SNX29: variants seen among roughly 807,000 people sequenced by gnomAD.
The protein encoded by SNX29 is sorting nexin 29, also known as sorting nexin-29.
A neutral mutation model predicts 102.1 loss-of-function variants in SNX29; 78 were observed. The ratio of observed to expected loss-of-function variants is 0.76; its 90% CI spans 0.64 to 0.92. SNX29 has a LOEUF of 0.92. Among genes scored for constraint, SNX29 ranks in the 40% least tolerant of loss-of-function variants. The pLI is 0.00. For synonymous variants in SNX29, 580 were observed against 414.5 expected (o/e 1.40, Z -4.85); for missense variants, 1,280 against 1,061.7 (o/e 1.21, Z -2.86).
At chr16:12,129,781 G>C in intron 13 of SNX29, 23 bp downstream of exon 13, 1 of 1,589,002 alleles carries the variant, frequency 6.3e-7, no homozygotes, top group Non-Finnish European at 8.6e-7. Flanking sequence ...GAGGGATGGA[G>C]AGGTAAGCAC....
chr16:12,180,224 G>C (rs1596446130), intron 13 of SNX29, among the ~76,000 whole-genome samples: 1 of 151,566 alleles, frequency 6.6e-6, no homozygotes, highest in East Asian at 1.9e-4. Flanking sequence ...TCATCTTCTA[G>C]GTGTTCCTTC....
chr16:12,067,154 C>T (rs116281293), intron 9 of SNX29, among the ~76,000 whole-genome samples: 1 of 152,012 alleles, frequency 6.6e-6, no homozygotes, highest in Non-Finnish European at 1.5e-5. Flanking sequence ...CACTGCTCTC[C>T]AGCCTGGGTG....
At chr16:12,536,322 A>C (rs1255701212) in intron 20 of SNX29, among the ~76,000 whole-genome samples, 1 of 152,070 alleles carries the variant, frequency 6.6e-6, no homozygotes, top group African/African-American at 2.4e-5. Context: ...TTGAGAAATT[A>C]CTAATGCAGC....
chr16:12,146,733 G>A (rs577455678), intron 13 of SNX29, among the ~76,000 whole-genome samples: 5 of 152,212 alleles, frequency 3.3e-5, no homozygotes, highest in African/African-American at 9.6e-5. Flanking sequence ...TTCTCAGCTC[G>A]TTTTTCTTTT....
Position 12,573,296 on chromosome 16 carries a change from A to G in SNX29, c.*4667A>G, listed in dbSNP as rs894430137. On this transcript the variant is annotated 3_prime_UTR_variant, in exon 21 of 21. Coordinates refer to ENST00000566228, the MANE Select transcript of SNX29 (RefSeq NM_032167.5). Reference sequence around the variant, plus strand: ...CTCACTCTAGCCATGAGCCATTGCCATCTTATGGGCCCGATTTGGGTACTC... The same window carrying G: ...CTCACTCTAGCCATGAGCCATTGCCGTCTTATGGGCCCGATTTGGGTACTC... 2 of 227,180 alleles carry G rather than the reference A, an allele frequency of 8.8e-6. No homozygotes were observed. Among genetic ancestry groups the G allele is most frequent in the Non-Finnish European group, 1.7e-5 (2 of 114,426 alleles). 14.1% of individuals were successfully genotyped at this position (227,180 alleles called of 1,614,324 possible).
At chr16:12,119,973 G>A (rs755600371) in intron 11 of SNX29, among the ~76,000 whole-genome samples, 2 of 152,208 alleles carry the variant, frequency 1.3e-5, no homozygotes, top group Non-Finnish European at 2.9e-5. Flanking sequence ...TGAGCCCTGC[G>A]AAGGGGTCTT....
At chr16:12,567,127 A>T (rs1417931598) in intron 20 of SNX29, among the ~76,000 whole-genome samples, 3 of 152,216 alleles carry the variant, frequency 2.0e-5, no homozygotes, top group Non-Finnish European at 4.4e-5. Flanking sequence ...CTTAACTCAC[A>T]TGATTTGTGA....
intron 11 of SNX29, among the ~76,000 whole-genome samples, chr16:12,105,227 C>CCCTTCCTTCCTCCCTT (rs2053185378): frequency 9.5e-6 from 1 of 105,672 alleles, no homozygotes; most frequent in Non-Finnish European, 2.0e-5. Context: ...CTCCCTCCCT[C>CCCTTCCTTCCTCCCTT]CCTTCCTTCC....
chr16:12,250,207 G>C (rs2078380561), intron 14 of SNX29, among the ~76,000 whole-genome samples: 1 of 152,230 alleles, frequency 6.6e-6, no homozygotes, highest in Admixed American at 6.5e-5. Context: ...CCAGAGACAA[G>C]AGCGGGCACG....
intron 18 of SNX29, among the ~76,000 whole-genome samples, chr16:12,425,975 A>C (rs6498298): frequency 0.024 from 3,628 of 152,164 alleles, 154 homozygotes; most frequent in African/African-American, 0.084. Context: ...GCCTGCCAAG[A>C]CCTTCAGGGA....
At chr16:12,508,043 A>G (rs910812800) in intron 19 of SNX29, among the ~76,000 whole-genome samples, 9 of 152,258 alleles carry the variant, frequency 5.9e-5, no homozygotes. Flanking sequence ...TAACGTGGCC[A>G]AGGGCAAGCT....
chr16:12,506,978 T>C (rs141459153), intron 19 of SNX29, among the ~76,000 whole-genome samples: 136 of 152,370 alleles, frequency 8.9e-4, no homozygotes, highest in African/African-American at 3.2e-3. Context: ...AGACCATGTC[T>C]TGTATGCTTA....
At chr16:12,122,514 A>G (rs182048425) in intron 11 of SNX29, among the ~76,000 whole-genome samples, 1 of 152,092 alleles carries the variant, frequency 6.6e-6, no homozygotes, top group Non-Finnish European at 1.5e-5. Flanking sequence ...GACAACCTGG[A>G]GTGAGGGAGG....
chr16:12,522,918 C>G (rs990958624), intron 19 of SNX29, among the ~76,000 whole-genome samples: 22 of 152,192 alleles, frequency 1.4e-4, no homozygotes, highest in Non-Finnish European at 2.4e-4. Context: ...TTAAGCAGTC[C>G]TCCTGCTGCA....
intron 18 of SNX29, among the ~76,000 whole-genome samples, chr16:12,459,820 C>G (rs2086701530): frequency 6.6e-6 from 1 of 152,122 alleles, no homozygotes; most frequent in Admixed American, 6.6e-5. Context: ...TTGAGATACC[C>G]TTGTACCCGT....
intron 15 of SNX29, among the ~76,000 whole-genome samples, chr16:12,289,416 T>G (rs2079718195): frequency 6.6e-6 from 1 of 152,206 alleles, no homozygotes; most frequent in South Asian, 2.1e-4. Flanking sequence ...GCCCCTAGCC[T>G]TCTAGTGTTT....
chr16:11,980,942 G>A (rs553462257), intron 1 of SNX29, among the ~76,000 whole-genome samples: 6 of 151,088 alleles, frequency 4.0e-5, no homozygotes, highest in South Asian at 2.1e-4. Context: ...CCCTTCCATG[G>A]TTTGTCTTTT....
chr16:12,269,847 CATCATCATCATCATT>C (rs1280781473), intron 14 of SNX29, among the ~76,000 whole-genome samples: 4 of 111,448 alleles, frequency 3.6e-5, no homozygotes, highest in Non-Finnish European at 6.1e-5. Flanking sequence ...CCATCATCAT[CATCATCATCATCATT>C]ATTATTATTA....
rs1017109878 is a variant in SNX29 at position 12,053,986 on chromosome 16, G to C, written c.1124+1764G>C. On this transcript the variant is annotated intron_variant, in intron 8 of 20. Coordinates refer to ENST00000566228, the MANE Select transcript of SNX29 (RefSeq NM_032167.5). ...TTGTCAGTTTTTGTTTTTTTTTTTT[G>C]AGACAGAGTCTTGCTCTGTCGCCCA... Among the ~76,000 whole-genome samples the C allele has an allele frequency of 9.0e-5, 10 of 111,508 alleles. No individual in the cohort carries two copies. In the East Asian group the frequency reaches 2.2e-3, roughly 25 times the overall value. The allele number at this position is 111,508 out of a possible 152,430, so 73.2% of individuals were successfully genotyped here.
Sources: gnomAD v4.1 joint callset for allele counts (sites outside exome capture counted in the v4.1 genomes callset) on GRCh38, gnomAD v4.1.1 for gene constraint, MANE v1.5 for transcripts, NCBI Gene and HGNC (gene_info 2026-07-23, HGNC 2026-07-21) for gene names.